LRRC9: variants seen among roughly 807,000 people sequenced by gnomAD.
The protein encoded by LRRC9 is leucine-rich repeat-containing protein 9.
LRRC9 carries 122 observed loss-of-function variants against 63.2 expected under a neutral mutation model. The ratio of observed to expected loss-of-function variants is 1.93; its 90% CI spans 1.67 to 2.24. The LOEUF (loss-of-function observed/expected upper bound fraction) is 2.24. Ranked by LOEUF, LRRC9 falls within the 30% of genes most tolerant of loss-of-function variation. LRRC9 has a pLI of 0.00. For synonymous variants in LRRC9, 366 were observed against 213.1 expected, an observed-to-expected ratio of 1.72 and a Z score of -6.25; for missense variants, 1,071 against 627.7, an observed-to-expected ratio of 1.71 and a Z score of -7.55.
rs182151719 is a variant in LRRC9, at chr14:59,946,038, C to G, written c.882+1294C>G. The stretch of plus-strand genomic sequence containing the variant: ...ATGCTGAGTTTTTGACCCAGTAAAT[C>G]TACTTCTAGCACTCTATTGTAAATA... On this transcript the variant is annotated intron_variant, in intron 8 of 31. Coordinates refer to ENST00000445360, the Ensembl canonical transcript of LRRC9. Among the ~76,000 whole-genome samples the G allele has an allele frequency of 1.8e-3, 273 of 151,290 alleles. 2 individuals are homozygous for G. Among genetic ancestry groups the G allele is most frequent in the Admixed American group, 0.014 (207 of 15,096 alleles).
In LRRC9 at chr14:60,007,276, G is replaced by T. The variant is rs375710463; in HGVS notation, c.3063+659G>T. Among the ~76,000 whole-genome samples, 17 of 152,068 alleles carry T rather than the reference G, an allele frequency of 1.1e-4. No individual in the cohort carries two copies. In the East Asian group the frequency reaches 3.1e-3, roughly 28 times the overall value. ...TCCCCCAGTATAATTACTACTTCTA[G>T]AGCTAGGGAGGCAACCTAATCAACA... On this transcript the variant is annotated intron_variant, in intron 22 of 31. Transcript: ENST00000445360.
chr14:59,966,848 T>C lies in LRRC9; in HGVS notation c.1388+83T>C. 7 of 570,730 alleles carry C rather than the reference T, an allele frequency of 1.2e-5. No individual in the cohort carries two copies. In the East Asian group the frequency reaches 1.7e-4, roughly 14 times the overall value. 35.4% of individuals were successfully genotyped at this position (570,730 alleles called of 1,614,324 possible). A position where few individuals can be genotyped will look rare whatever the true frequency, so the allele number is the denominator to read the frequency against. The stretch of plus-strand genomic sequence containing the variant: ...ATTTCTATTTTAAAAGTTTACAGCA[T>C]TAAAAATATACATATACCTTGTTAG... On this transcript the variant is annotated intron_variant, in intron 11 of 31. Coordinates refer to ENST00000445360, the Ensembl canonical transcript of LRRC9. This position sits in a 1 kb window ranked among gnomAD's most constrained non-coding sequence, Gnocchi z 4.0.
At chr14:59,941,290 T>C (rs1477317432) in intron 7 of LRRC9, among the ~76,000 whole-genome samples, 2 of 151,916 alleles carry the variant, frequency 1.3e-5, no homozygotes, top group Non-Finnish European at 2.9e-5. Context: ...ATGGGAAACA[T>C]AAGTGGGAAG....
chr14:60,004,881 TACAC>T lies in LRRC9; in HGVS notation c.2842+1104_2842+1107del, dbSNP rs10550604. On this transcript the variant is annotated intron_variant, in intron 21 of 31. Coordinates refer to ENST00000445360, the Ensembl canonical transcript of LRRC9. This position sits in a 1 kb window ranked among gnomAD's most constrained non-coding sequence, Gnocchi z 4.8. ...AAAGAGAAATATGTATATGTGTGTA[TACAC>T]ACACACACACACACACACACTTATC... Among the ~76,000 whole-genome samples the T allele has an allele frequency of 0.011, 1,700 of 149,966 alleles. 16 individuals carry two copies. Among genetic ancestry groups the T allele is most frequent in the African/African-American group, 0.028 (1,160 of 41,090 alleles).
intron 8 of LRRC9, among the ~76,000 whole-genome samples, chr14:59,948,485 T>C (rs1882720635): frequency 3.2e-5 from 4 of 125,394 alleles, no homozygotes; most frequent in African/African-American, 6.4e-5. Flanking sequence ...CTTTTCCTAA[T>C]TGAATACCCT....
At position 60,017,517 on chromosome 14, in the gene LRRC9, T is replaced by C. The variant is rs565447224; in HGVS notation, c.3317+727T>C. 4.6e-5 allele frequency among the ~76,000 whole-genome samples: 7 copies of C among 152,288 alleles called. No homozygotes were observed. The highest frequency in any genetic ancestry group is 8.8e-5 in the Non-Finnish European group (6 of 68,008). On this transcript the variant is annotated intron_variant, in intron 24 of 31. Coordinates refer to ENST00000445360, the Ensembl canonical transcript of LRRC9. This position sits in a 1 kb window ranked among gnomAD's most constrained non-coding sequence, Gnocchi z 4.0. ...CTGAAATGCCATTACATTGGTATGATAGAGATGCTAACTCTATCACAGCAA... is the reference window on the plus strand; with the variant it reads ...CTGAAATGCCATTACATTGGTATGACAGAGATGCTAACTCTATCACAGCAA...
chr14:59,943,855 C>T lies in LRRC9; in HGVS notation c.727-734C>T, dbSNP rs1045902702. 9.9e-5 allele frequency among the ~76,000 whole-genome samples: 15 copies of T among 152,086 alleles called. 1 individual carries two copies. The highest frequency in any genetic ancestry group is 6.5e-4 in the Admixed American group (10 of 15,272). The stretch of plus-strand genomic sequence containing the variant: ...AATATATGTCTAAGAGTGTAAAAGC[C>T]TTCCAACTTATTCGCTTTCATTATT... On this transcript the variant is annotated intron_variant, in intron 7 of 31. Transcript: ENST00000445360.
At chr14:59,994,376 G>A (rs969417819) in intron 17 of LRRC9, among the ~76,000 whole-genome samples, 1 of 152,184 alleles carries the variant, frequency 6.6e-6, no homozygotes, top group East Asian at 1.9e-4. Context: ...TGCTGGAGAG[G>A]ATATGGAGAA....
rs138360259 is a variant in LRRC9 at position 60,004,788 on chromosome 14, C to A, written c.2842+990C>A. 3.3e-5 allele frequency among the ~76,000 whole-genome samples: 5 copies of A among 152,146 alleles called. No homozygotes were observed. The South Asian group carries it at 1.0e-3, about 32-fold the overall frequency. ...ACTTTCTCTTATTCTCCCTCTCCAT[C>A]TACTCAAAAGAGTAACTAACTCCTA... is the stretch of plus-strand genomic sequence containing the variant. On this transcript the variant is annotated intron_variant, in intron 21 of 31. Transcript: ENST00000445360. This position sits in a 1 kb window ranked among gnomAD's most constrained non-coding sequence, Gnocchi z 4.8.
rs971982178 is a variant in LRRC9 at position 60,025,069 on chromosome 14, GT to G, written c.3703+2209del. 2.7e-4 allele frequency among the ~76,000 whole-genome samples: 39 copies of G among 147,144 alleles called. No homozygotes were observed. In the East Asian group the frequency reaches 2.8e-3, roughly 10 times the overall value. ...TTTTTCGGTTGGTTTTTTGTTTTTG[GT>G]TTTTTTTTTATTTTTTATTTTATTA... On this transcript the variant is annotated intron_variant, in intron 27 of 31. Coordinates refer to ENST00000445360, the Ensembl canonical transcript of LRRC9.
At chr14:59,988,222 T>C (rs978838086) in intron 17 of LRRC9, among the ~76,000 whole-genome samples, 5 of 152,178 alleles carry the variant, frequency 3.3e-5, no homozygotes, top group African/African-American at 1.2e-4. Flanking sequence ...AACCTTAGTT[T>C]CTTTTAGAGA....
chr14:60,062,142 A>C, intron 31 of LRRC9: 1 of 398,836 alleles, frequency 2.5e-6, no homozygotes, highest in Non-Finnish European at 4.4e-6. Flanking sequence ...TGCATCTCCT[A>C]CTGCACAAAT....
rs1891644407 is a variant in LRRC9, at chr14:60,027,425, AT to A, written c.3704-458del. Among the ~76,000 whole-genome samples, 1 of 152,118 alleles carries A rather than the reference AT, an allele frequency of 6.6e-6. No homozygotes were observed. The highest frequency in any genetic ancestry group is 1.5e-5 in the Non-Finnish European group (1 of 67,984). On this transcript the variant is annotated intron_variant, in intron 27 of 31. Coordinates refer to ENST00000445360, the Ensembl canonical transcript of LRRC9. The surrounding 1 kb of genome is among the most constrained non-coding windows in gnomAD (Gnocchi z 4.0). ...TGTTTAATATGATTGCAGTGCAAAA[AT>A]ATGAGAAAGAACAGCATAATTAATG...
intron 8 of LRRC9, among the ~76,000 whole-genome samples, chr14:59,945,918 A>T (rs764245638): frequency 2.6e-5 from 4 of 151,992 alleles, no homozygotes; most frequent in Admixed American, 6.6e-5. Context: ...TCAAAGTATG[A>T]CACATGACAG....
At chr14:60,008,389 G>A (rs1428348243) in intron 23 of LRRC9, among the ~76,000 whole-genome samples, 175 bp downstream of exon 23, 1 of 151,964 alleles carries the variant, frequency 6.6e-6, no homozygotes, top group African/African-American at 2.4e-5. Flanking sequence ...TTTGTCATCT[G>A]GTCAATTCTT....
At chr14:60,039,115 G>A (rs557305361) in intron 29 of LRRC9, among the ~76,000 whole-genome samples, 4 of 152,264 alleles carry the variant, frequency 2.6e-5, no homozygotes, top group Non-Finnish European at 4.4e-5. Context: ...TGATGAAGCC[G>A]ACTTAATCGT....
chr14:59,949,460 C>A (rs1198205449), intron 8 of LRRC9, among the ~76,000 whole-genome samples: 2 of 150,046 alleles, frequency 1.3e-5, no homozygotes, highest in African/African-American at 2.5e-5. Context: ...AAAAAACCAG[C>A]TCCTGGATTC....
chr14:59,970,097 A>G (rs1885313073), intron 12 of LRRC9, among the ~76,000 whole-genome samples: 1 of 151,872 alleles, frequency 6.6e-6, no homozygotes, highest in Non-Finnish European at 1.5e-5. Context: ...TTATTTTTGC[A>G]GCTCCTCTCC....
intron 17 of LRRC9, among the ~76,000 whole-genome samples, chr14:59,992,833 G>A (rs189680969): frequency 2.6e-5 from 4 of 152,314 alleles, no homozygotes; most frequent in Admixed American, 2.6e-4. Context: ...ACGTCTGATT[G>A]GTGTACCCGA....
Sources: gnomAD v4.1 joint callset for allele counts (sites outside exome capture counted in the v4.1 genomes callset) on GRCh38, gnomAD v4.1.1 for gene constraint, Gnocchi (gnomAD v3.1) non-coding constraint, MANE v1.5 for transcripts, NCBI Gene and HGNC (gene_info 2026-07-23, HGNC 2026-07-21) for gene names.